The following SYCP2 variants were observed in gnomAD, a reference collection of about 807,000 sequenced individuals.
The protein encoded by SYCP2 is synaptonemal complex lateral element protein.
SYCP2 carries 55 observed loss-of-function variants against 211.3 expected under a neutral mutation model. The observed-to-expected ratio is 0.26, with a 90% CI of 0.21 to 0.33. The LOEUF is 0.33. SYCP2 is among the 10% of genes least tolerant of loss of function. The pLI, the probability that SYCP2 is intolerant of heterozygous loss-of-function variation, is 1.00. For missense variants in SYCP2, 1,731 were observed against 1,752.0 expected, an observed-to-expected ratio of 0.99 and a Z score of 0.21; for synonymous variants, 570 against 555.2, an observed-to-expected ratio of 1.03 and a Z score of -0.37.
chr20:59,913,962 G>T lies in SYCP2; in HGVS notation c.830+13C>A. 6.3e-7 allele frequency: 1 copy of T among 1,585,484 alleles called. No homozygotes were observed. Among genetic ancestry groups the T allele is most frequent in the Non-Finnish European group, 8.6e-7 (1 of 1,166,558 alleles). On this transcript the variant is annotated intron_variant, in intron 12 of 44. Transcript: ENST00000357552. ...ATTTGACAGTAAATGGTTGTATCTT[G>T]CATTAAGTTTACCTTCTTTTGTCTC...
chr20:59,915,277 A>C (rs2060415704), intron 9 of SYCP2, 78 bp from the exon 10 acceptor site: 1 of 1,203,400 alleles, frequency 8.3e-7, no homozygotes, highest in Non-Finnish European at 1.2e-6. Flanking sequence ...GAGGAAAAGA[A>C]ACTTCACAAA....
At chr20:59,913,182 A>G (rs1220758128) in intron 12 of SYCP2, among the ~76,000 whole-genome samples, 1 of 152,090 alleles carries the variant, frequency 6.6e-6, no homozygotes, top group African/African-American at 2.4e-5. Context: ...ATACTATTTT[A>G]CATAGTTAGC....
intron 15 of SYCP2, among the ~76,000 whole-genome samples, chr20:59,904,800 T>G (rs2060184366): frequency 6.6e-6 from 1 of 152,104 alleles, no homozygotes. Flanking sequence ...GTGCCAGTAT[T>G]TGCCTCTGAT....
chr20:59,910,183 A>C (rs1165944987), intron 14 of SYCP2, among the ~76,000 whole-genome samples: 1 of 152,080 alleles, frequency 6.6e-6, no homozygotes, highest in Non-Finnish European at 1.5e-5. Context: ...GCTTTTATGG[A>C]GAACAAGAGA....
Position 59,893,530 on chromosome 20 carries a change from T to C in SYCP2, c.1729A>G (p.Asn577Asp). The C allele has an allele frequency of 6.2e-7, 1 of 1,604,498 alleles. No individual in the cohort carries two copies. Among genetic ancestry groups the C allele is most frequent in the African/African-American group, 1.3e-5 (1 of 74,762 alleles). Residue 577 changes from asparagine to aspartate, a missense_variant, in exon 21 of 45, where the codon AAT becomes GAT. Around this residue, in one of 3 missense-constraint regions of SYCP2, gnomAD observed 1,387 missense variants for 1,351.3 expected, o/e 1.03. Transcript: ENST00000357552. ...TAAACCACAAGGTACTTACTAAAAT[T>C]TTGGTTTGGGAATTCAACATTCTTA... ...ENKNVEFPNQNFSELQDVIPD... is the reference protein window; with the variant it reads ...ENKNVEFPNQDFSELQDVIPD...
chr20:59,929,190 A>G (rs1181681187), intron 2 of SYCP2, among the ~76,000 whole-genome samples: 1 of 152,140 alleles, frequency 6.6e-6, no homozygotes, highest in African/African-American at 2.4e-5. Flanking sequence ...GAATGCTAGT[A>G]AAACAATAAC....
At position 59,920,382 on chromosome 20, in the gene SYCP2, T is replaced by C; in HGVS notation, c.274A>G (p.Ile92Val). ...VLGQAGLLTM[I>V]KQGLIQKMVA... ...ATCTTTTGTATTAGTCCTTGTTTTA[T>C]CATCGTTAGAAGTCCAGCTTGCCCC... is the stretch of plus-strand genomic sequence containing the variant. The change falls in exon 5 of 45, where the codon ATA becomes GTA. Residue 92 changes from isoleucine to valine, a missense_variant. By Grantham distance (29) the Ile-to-Val change is conservative (BLOSUM62 3). Transcript: ENST00000357552. 4 of 1,608,778 alleles carry C rather than the reference T, an allele frequency of 2.5e-6. No individual in the cohort carries two copies. The highest frequency in any genetic ancestry group is 3.4e-6 in the Non-Finnish European group (4 of 1,176,584).
chr20:59,900,979 CACTTCAATT>C (rs1781169254), intron 16 of SYCP2, among the ~76,000 whole-genome samples, 161 bp from the exon 17 acceptor site: 1 of 151,932 alleles, frequency 6.6e-6, no homozygotes, highest in Non-Finnish European at 1.5e-5. Context: ...CTTCTCAGAA[CACTTCAATT>C]ACTCCCCTTT....
chr20:59,878,780 C>T (rs1470046166), intron 31 of SYCP2, among the ~76,000 whole-genome samples: 1 of 151,896 alleles, frequency 6.6e-6, no homozygotes, highest in African/African-American at 2.4e-5. Context: ...TAAGATTTAC[C>T]CATATTATTG....
chr20:59,916,161 G>GA (rs1188327269), intron 8 of SYCP2, among the ~76,000 whole-genome samples: 99 of 152,180 alleles, frequency 6.5e-4, no homozygotes, highest in African/African-American at 2.3e-3. Flanking sequence ...GCCAAAAAAT[G>GA]TTACTTTATT....
intron 14 of SYCP2, 56 bp from the exon 15 acceptor site, chr20:59,907,480 C>A: frequency 1.4e-6 from 2 of 1,401,634 alleles, no homozygotes; most frequent in Non-Finnish European, 2.0e-6. Context: ...TTTACAGTTT[C>A]TTTAAACATC....
At chr20:59,887,770 TGATA>T (rs2059822756) in intron 24 of SYCP2, among the ~76,000 whole-genome samples, 1 of 151,550 alleles carries the variant, frequency 6.6e-6, no homozygotes, top group South Asian at 2.1e-4. Context: ...TCAATAAAAT[TGATA>T]AACCTTTAGT....
rs958139813 is a variant in SYCP2, at chr20:59,919,559, C to A, written c.336G>T (p.Gln112His). ...CTTCATCTTTTGAATTTCCTTGACT[C>A]TGAATAATGTCCTTGGATTTTTCAA... ...AWFEKSKDII[Q>H]SQGNSKDEAV... Residue 112 changes from glutamine (Q) to histidine (H), a missense_variant, in exon 6 of 45, where the codon CAG becomes CAT. Transcript: ENST00000357552. The A allele has an allele frequency of 1.2e-6, 2 of 1,610,102 alleles. No homozygotes were observed. Among genetic ancestry groups the A allele is most frequent in the Non-Finnish European group, 1.7e-6 (2 of 1,177,706 alleles).
chr20:59,894,814 C>G (rs2059976901), intron 20 of SYCP2, among the ~76,000 whole-genome samples: 2 of 152,016 alleles, frequency 1.3e-5, no homozygotes, highest in Admixed American at 1.3e-4. Context: ...CCTGTTTCTC[C>G]AAGAAACTAT....
At chr20:59,903,847 T>C (rs1252639423) in intron 15 of SYCP2, among the ~76,000 whole-genome samples, 1 of 152,150 alleles carries the variant, frequency 6.6e-6, no homozygotes, top group Admixed American at 6.5e-5. Flanking sequence ...GAGTCCAAAG[T>C]TGGAAGCTGG....
At chr20:59,890,826 AAAATTT>A (rs11470001) in intron 24 of SYCP2, among the ~76,000 whole-genome samples, 1,896 of 152,082 alleles carry the variant, frequency 0.012, 45 homozygotes, top group African/African-American at 0.043. Flanking sequence ...AAAGCAATTT[AAAATTT>A]AAATTTAAAG....
At chr20:59,880,615 T>A in intron 30 of SYCP2, 144 bp from the exon 31 acceptor site, 1 of 568,526 alleles carries the variant, frequency 1.8e-6, no homozygotes, top group Non-Finnish European at 3.0e-6. Context: ...AACATCCTAA[T>A]TTAGGATGGC....
At chr20:59,907,192 G>A (rs903841240) in intron 15 of SYCP2, among the ~76,000 whole-genome samples, 172 bp downstream of exon 15, 2 of 152,090 alleles carry the variant, frequency 1.3e-5, no homozygotes, top group African/African-American at 2.4e-5. Flanking sequence ...GGTAGAGCTG[G>A]GAGATTAGTA....
chr20:59,900,352 G>T, intron 17 of SYCP2, 68 bp from the exon 18 acceptor site: 1 of 1,343,764 alleles, frequency 7.4e-7, no homozygotes. Flanking sequence ...ACAATCACTG[G>T]ATGTCTTAAG....
Sources: gnomAD v4.1 joint callset for allele counts (sites outside exome capture counted in the v4.1 genomes callset) on GRCh38, gnomAD v4.1.1 for gene constraint, gnomAD v4.1.1 regional missense constraint, MANE v1.5 for transcripts, NCBI Gene and HGNC (gene_info 2026-07-23, HGNC 2026-07-21) for gene names.